The following FIP1L1 variants were observed in gnomAD, a reference collection of about 807,000 sequenced individuals.
FIP1L1 encodes the protein pre-mRNA 3'-end-processing factor FIP1.
FIP1L1 carries 21 observed loss-of-function variants against 84.6 expected under a neutral mutation model. The ratio of observed to expected loss-of-function variants is 0.25; its 90% confidence interval spans 0.18 to 0.36. The LOEUF is 0.36. Ranked by LOEUF, FIP1L1 falls within the 10% of genes least tolerant of loss-of-function variation. The probability of loss-of-function intolerance (pLI) is 1.00; values close to 1 mark genes in which losing one functional copy is unlikely to be tolerated. For synonymous variants in FIP1L1, 263 were observed against 242.3 expected (o/e 1.09, Z -0.80); for missense variants, 526 against 751.1 (o/e 0.70, Z 3.50).
chr4:53,451,773 ATTGT>A (rs992514915), intron 15 of FIP1L1, among the ~76,000 whole-genome samples: 1 of 151,430 alleles, frequency 6.6e-6, no homozygotes, highest in African/African-American at 2.4e-5. Flanking sequence ...AATAGCGTAT[ATTGT>A]TTATTTGGAT....
intron 9 of FIP1L1, among the ~76,000 whole-genome samples, chr4:53,393,834 G>GTT (rs1389271290): frequency 1.6e-5 from 2 of 125,626 alleles, no homozygotes; most frequent in Non-Finnish European, 3.1e-5. Flanking sequence ...AAATTTTACA[G>GTT]TTATGTGTCT....
intron 3 of FIP1L1, among the ~76,000 whole-genome samples, chr4:53,380,573 C>CA (rs1323070945): frequency 6.6e-6 from 1 of 151,890 alleles, no homozygotes; most frequent in Non-Finnish European, 1.5e-5. Context: ...GCTGTTACAA[C>CA]AAAAAATGGA....
At chr4:53,428,210 T>C in intron 13 of FIP1L1, 27 bp downstream of exon 13, 1 of 1,500,356 alleles carries the variant, frequency 6.7e-7, no homozygotes, top group Non-Finnish European at 8.9e-7. Context: ...ACATTTGACT[T>C]TGAAAGAAAA....
At chr4:53,448,383 A>G (rs75478691) in intron 15 of FIP1L1, among the ~76,000 whole-genome samples, 2,676 of 152,204 alleles carry the variant, frequency 0.018, 79 homozygotes, top group African/African-American at 0.061. Context: ...TGAGTTTTAT[A>G]GTAAATCTGA....
chr4:53,448,118 T>C (rs1774977769), intron 15 of FIP1L1, among the ~76,000 whole-genome samples: 1 of 152,132 alleles, frequency 6.6e-6, no homozygotes, highest in Non-Finnish European at 1.5e-5. Context: ...TTAATACTTT[T>C]TTCCTCCCAG....
chr4:53,408,208 A>C (rs914872211), intron 10 of FIP1L1, among the ~76,000 whole-genome samples: 14 of 152,188 alleles, frequency 9.2e-5, no homozygotes, highest in African/African-American at 3.1e-4. Flanking sequence ...AAAATCTCTC[A>C]GCATTTGCTT....
intron 4 of FIP1L1, 82 bp from the exon 5 acceptor site, chr4:53,383,691 G>C (rs1739319754): frequency 7.5e-7 from 1 of 1,338,258 alleles, no homozygotes; most frequent in African/African-American, 1.5e-5. Context: ...AAAAAACAGG[G>C]TGGTTACTTT....
chr4:53,414,850 T>C (rs1243264806), intron 11 of FIP1L1, 128 bp downstream of exon 11: 4 of 601,474 alleles, frequency 6.7e-6, no homozygotes, highest in Non-Finnish European at 1.2e-5. Flanking sequence ...TTTTTCAGGG[T>C]ACAGTTGTAG....
At chr4:53,456,448 A>G (rs909914016) in intron 16 of FIP1L1, among the ~76,000 whole-genome samples, 1 of 152,140 alleles carries the variant, frequency 6.6e-6, no homozygotes, top group African/African-American at 2.4e-5. Flanking sequence ...CAGAGGCAAA[A>G]AGTGGAGGAA....
At chr4:53,411,882 T>C (rs1242950357) in intron 10 of FIP1L1, among the ~76,000 whole-genome samples, 1 of 152,098 alleles carries the variant, frequency 6.6e-6, no homozygotes, top group Non-Finnish European at 1.5e-5. Flanking sequence ...GTGAAATACA[T>C]ACATACAGAA....
At chr4:53,452,451 C>T (rs1438593488) in intron 15 of FIP1L1, among the ~76,000 whole-genome samples, 2 of 151,874 alleles carry the variant, frequency 1.3e-5, no homozygotes, top group African/African-American at 4.8e-5. Flanking sequence ...CCCAAATAGC[C>T]GGGATTACCG....
At chr4:53,450,045 A>AT in intron 15 of FIP1L1, among the ~76,000 whole-genome samples, 1 of 152,026 alleles carries the variant, frequency 6.6e-6, no homozygotes, top group Admixed American at 6.5e-5. Flanking sequence ...GTTTTTTTCC[A>AT]TTATATGGTA....
At chr4:53,453,554 T>C (rs1717262103) in intron 16 of FIP1L1, among the ~76,000 whole-genome samples, 1 of 152,188 alleles carries the variant, frequency 6.6e-6, no homozygotes, top group African/African-American at 2.4e-5. Flanking sequence ...CATAGCTCAC[T>C]GCACTCTTAC....
chr4:53,451,573 T>C (rs1409678631), intron 15 of FIP1L1, among the ~76,000 whole-genome samples: 1 of 85,662 alleles, frequency 1.2e-5, no homozygotes, highest in African/African-American at 4.2e-5. Flanking sequence ...ACTATACATT[T>C]TCTTTTTTTT....
intron 10 of FIP1L1, among the ~76,000 whole-genome samples, chr4:53,409,730 A>T (rs1756061328): frequency 6.6e-6 from 1 of 152,174 alleles, no homozygotes; most frequent in Non-Finnish European, 1.5e-5. Flanking sequence ...GCCACCTGGC[A>T]GTTTGATCTC....
Position 53,383,872 on chromosome 4 carries a change from T to A in FIP1L1, c.328T>A (p.Tyr110Asn). Reference protein sequence around the residue: ...IGDIKTGAPQYGSYGTAPVNL... With the variant: ...IGDIKTGAPQNGSYGTAPVNL... ...AGACATTAAAACGGGAGCACCACAG[T>A]ATGGGTAAGTTATTTTTTAGTAAGT... Residue 110 changes from tyrosine (Y) to asparagine (N), a missense_variant, in exon 5 of 18, where the codon TAT becomes AAT. Tyr to Asn is a moderately radical substitution (Grantham distance 143, BLOSUM62 -2). Coordinates refer to ENST00000337488, the MANE Select transcript of FIP1L1 (RefSeq NM_030917.4). The A allele has an allele frequency of 1.9e-6, 3 of 1,610,282 alleles. No homozygotes were observed. The highest frequency in any genetic ancestry group is 2.5e-6 in the Non-Finnish European group (3 of 1,178,670).
chr4:53,445,550 G>A (rs1297542602), intron 15 of FIP1L1, among the ~76,000 whole-genome samples: 1 of 152,174 alleles, frequency 6.6e-6, no homozygotes, highest in Non-Finnish European at 1.5e-5. Flanking sequence ...TCAGTAAGGA[G>A]CAATGAATTT....
rs762110791 is a variant in FIP1L1 at position 53,406,864 on chromosome 4, G to A, written c.815+7025G>A. 7.9e-5 allele frequency among the ~76,000 whole-genome samples: 12 copies of A among 152,146 alleles called. No homozygotes were observed. In the East Asian group the frequency reaches 9.7e-4, roughly 12 times the overall value. On this transcript the variant is annotated intron_variant, in intron 10 of 17. Transcript: ENST00000337488. ...TGGGATCGGTGGTGATATCCCCTTT[G>A]TCATTTTTTATTGTGTGTATTTGAT...
At chr4:53,409,046 G>T (rs1317553496) in intron 10 of FIP1L1, among the ~76,000 whole-genome samples, 2 of 152,188 alleles carry the variant, frequency 1.3e-5, no homozygotes, top group Non-Finnish European at 2.9e-5. Context: ...GAGGAACTGC[G>T]TTCCTTTGGA....
Sources: allele counts gnomAD v4.1 joint callset (sites outside exome capture counted in the v4.1 genomes callset), GRCh38; gene constraint gnomAD v4.1.1; transcripts MANE v1.5; gene names NCBI Gene and HGNC (gene_info 2026-07-23, HGNC 2026-07-21).